HDAC9: variants seen among roughly 807,000 people sequenced by gnomAD.
The protein encoded by HDAC9 is histone deacetylase 9, also known as MEF-2 interacting transcription repressor (MITR) protein.
In HDAC9, 41 loss-of-function variants were observed where a neutral mutation model predicts 139.4. The ratio of observed to expected loss-of-function variants is 0.29; its 90% CI spans 0.23 to 0.38. The LOEUF (loss-of-function observed/expected upper bound fraction) is 0.38, where lower values mean the gene tolerates loss of function less well. Among genes scored for constraint, HDAC9 ranks in the 10% least tolerant of loss-of-function variants. HDAC9 has a pLI of 1.00. For synonymous variants in HDAC9, 517 were observed against 476.2 expected (o/e 1.09, Z -1.12); for missense variants, 1,147 against 1,297.0 (o/e 0.88, Z 1.78).
chr7:18,946,036 C>CAAAATAAAAAAAAAAA (rs1563077235), intron 23 of HDAC9, among the ~76,000 whole-genome samples: 10 of 38,260 alleles, frequency 2.6e-4, no homozygotes, highest in South Asian at 1.9e-3. Context: ...GACTCCGTCT[C>CAAAATAAAAAAAAAAA]AAAAAAAAAA....
chr7:18,115,316 A>G (rs1214206173), intron 1 of HDAC9, among the ~76,000 whole-genome samples: 1 of 151,808 alleles, frequency 6.6e-6, no homozygotes, highest in African/African-American at 2.4e-5. Context: ...AAATCCATAT[A>G]TGGATCAATC....
intron 1 of HDAC9, among the ~76,000 whole-genome samples, chr7:18,361,863 A>G (rs1783808784): frequency 6.6e-6 from 1 of 151,858 alleles, no homozygotes; most frequent in Admixed American, 6.6e-5. Flanking sequence ...TTACTGATAC[A>G]CTCAGGAGAC....
rs1802569676 is a variant in HDAC9, at chr7:18,514,564, ATAAT to A, written c.22+18246_22+18249del. On this transcript the variant is annotated intron_variant, in intron 2 of 25. Transcript: ENST00000686413. The stretch of plus-strand genomic sequence containing the variant: ...TTCCAGTTAAATATTAACACTTAAT[ATAAT>A]TAATTGCTGCAGGTCAGCTGCTTAA... 4.6e-5 allele frequency among the ~76,000 whole-genome samples: 7 copies of A among 152,370 alleles called. No individual in the cohort carries two copies. In the South Asian group the frequency reaches 1.4e-3, roughly 32 times the overall value.
intron 22 of HDAC9, among the ~76,000 whole-genome samples, chr7:18,889,334 C>T (rs1261217183): frequency 1.3e-5 from 2 of 152,046 alleles, no homozygotes; most frequent in East Asian, 1.9e-4. Context: ...ACTTCTTTGA[C>T]GTTACTGTGT....
intron 1 of HDAC9, among the ~76,000 whole-genome samples, chr7:18,433,640 C>T (rs1473137254): frequency 6.6e-6 from 1 of 152,024 alleles, no homozygotes; most frequent in Non-Finnish European, 1.5e-5. Flanking sequence ...AGCTGAGAAC[C>T]AAATCAAGAT....
chr7:18,371,095 A>G (rs529017657), intron 1 of HDAC9, among the ~76,000 whole-genome samples: 7 of 152,284 alleles, frequency 4.6e-5, no homozygotes, highest in South Asian at 2.1e-4. Context: ...AAGTGTTTAT[A>G]TTGAATTATG....
At chr7:18,267,726 T>C (rs1796092813) in intron 2 of HDAC9, among the ~76,000 whole-genome samples, 1 of 152,300 alleles carries the variant, frequency 6.6e-6, no homozygotes, top group African/African-American at 2.4e-5. Context: ...TTTCATACTT[T>C]GGCTGTTGTG....
chr7:18,443,952 G>GTA (rs1792046130), intron 1 of HDAC9, among the ~76,000 whole-genome samples: 1 of 150,758 alleles, frequency 6.6e-6, no homozygotes, highest in Admixed American at 6.6e-5. Flanking sequence ...ATGTATGTAT[G>GTA]TATATATGTA....
At chr7:18,399,333 C>G (rs183901594) in intron 1 of HDAC9, among the ~76,000 whole-genome samples, 1 of 151,752 alleles carries the variant, frequency 6.6e-6, no homozygotes, top group African/African-American at 2.4e-5. Flanking sequence ...TCCCCAGTGT[C>G]ACAAAAAGAA....
Position 18,141,296 on chromosome 7 carries a change from A to C in HDAC9, c.-96-20933A>C, listed in dbSNP as rs932425229. 3.3e-5 allele frequency among the ~76,000 whole-genome samples: 5 copies of C among 152,328 alleles called. No homozygotes were observed. In the East Asian group the frequency reaches 5.8e-4, roughly 18 times the overall value. ...CATTTTTTCCCTTTATCTGGTGATA[A>C]ATTTTAAAACCTTGAACATTTCATG... On this transcript the variant is annotated intron_variant, in intron 1 of 12. Coordinates refer to the HDAC9 transcript ENST00000417496.
At chr7:18,494,032 A>G (rs1033955626), upstream of HDAC9, among the ~76,000 whole-genome samples, 1 of 152,056 alleles carries the variant, frequency 6.6e-6, no homozygotes, top group Non-Finnish European at 1.5e-5. Context: ...CACTGTTTCT[A>G]TCCTTTGAAT....
At chr7:18,253,842 T>C (rs928839891) in intron 2 of HDAC9, among the ~76,000 whole-genome samples, 2 of 152,176 alleles carry the variant, frequency 1.3e-5, no homozygotes, top group Non-Finnish European at 2.9e-5. Flanking sequence ...GAGGATTGTG[T>C]TGAAGGGTTC....
chr7:18,705,922 C>T (rs1320177171), intron 12 of HDAC9, among the ~76,000 whole-genome samples: 2 of 148,326 alleles, frequency 1.3e-5, no homozygotes, highest in Non-Finnish European at 3.0e-5. Context: ...ATATGTTTCA[C>T]AAGAACAAAA....
intron 2 of HDAC9, among the ~76,000 whole-genome samples, chr7:18,275,841 A>G (rs531625384): frequency 2.0e-5 from 3 of 151,962 alleles, no homozygotes; most frequent in East Asian, 1.9e-4. Context: ...AGCACTTCCT[A>G]TTTTCTAACA....
intron 21 of HDAC9, among the ~76,000 whole-genome samples, chr7:18,864,619 A>G (rs1370842793): frequency 2.0e-5 from 3 of 152,044 alleles, no homozygotes; most frequent in Admixed American, 6.6e-5. Flanking sequence ...AATTAAAAAA[A>G]AAAAAGGAAA....
chr7:18,616,296 A>C (rs912049880), intron 6 of HDAC9, among the ~76,000 whole-genome samples: 2 of 152,202 alleles, frequency 1.3e-5, no homozygotes, highest in African/African-American at 4.8e-5. Flanking sequence ...GCCTACCCCA[A>C]GTGCTTAGAG....
At chr7:18,597,225 TCTC>T (rs1487839305) in intron 6 of HDAC9, among the ~76,000 whole-genome samples, 3 of 152,176 alleles carry the variant, frequency 2.0e-5, no homozygotes, top group South Asian at 2.1e-4. Context: ...TGGAGTGACT[TCTC>T]CTCCTTTCAC....
intron 11 of HDAC9, among the ~76,000 whole-genome samples, chr7:18,661,314 G>C (rs777380401): frequency 3.9e-5 from 6 of 152,064 alleles, no homozygotes; most frequent in Non-Finnish European, 7.4e-5. Flanking sequence ...TGGGTTAGAT[G>C]GGAATAAAGG....
intron 20 of HDAC9, 40 bp downstream of exon 20, chr7:18,835,626 C>A: frequency 6.2e-7 from 1 of 1,612,534 alleles, no homozygotes; most frequent in Non-Finnish European, 8.5e-7. Context: ...TTATTTGTAT[C>A]TTTCAGGTAA....
Sources: gnomAD v4.1 joint callset for allele counts (sites outside exome capture counted in the v4.1 genomes callset) on GRCh38, gnomAD v4.1.1 for gene constraint, MANE v1.5 for transcripts, NCBI Gene and HGNC (gene_info 2026-07-23, HGNC 2026-07-21) for gene names.